Variants in PPIL2 observed in about 807,000 individuals in gnomAD.
The protein encoded by PPIL2 is RING-type E3 ubiquitin-protein ligase PPIL2.
PPIL2 carries 50 observed loss-of-function variants against 75.2 expected under a neutral mutation model. That is an observed-to-expected ratio of 0.66 (90% CI 0.53 to 0.84). The LOEUF is 0.84. PPIL2 is among the 40% of genes least tolerant of loss of function. PPIL2 has a pLI of 0.00. For synonymous variants in PPIL2, 245 were observed against 258.8 expected, an observed-to-expected ratio of 0.95 and a Z score of 0.51; for missense variants, 590 against 685.0, an observed-to-expected ratio of 0.86 and a Z score of 1.55.
rs1299833271 is a variant in PPIL2, at chr22:21,682,455, A to T, written c.406A>T (p.Ile136Phe). 13 of 1,613,896 alleles carry T rather than the reference A, an allele frequency of 8.1e-6. No individual in the cohort carries two copies. Among genetic ancestry groups the T allele is most frequent in the Non-Finnish European group, 1.1e-5 (13 of 1,179,950 alleles). ...YAYEAVEQLN[I>F]KAKNFRDLLT... Reference sequence around the variant, plus strand: ...GCTATAGGCAGTGGAACAGCTAAATATCAAGGCCAAGAACTTCCGGGACCT... The same window carrying T: ...GCTATAGGCAGTGGAACAGCTAAATTTCAAGGCCAAGAACTTCCGGGACCT... The change falls in exon 8 of 20, where the codon ATC (isoleucine) becomes TTC (phenylalanine). Residue 136 changes from isoleucine (I) to phenylalanine (F), a missense_variant. Physicochemically the swap from Ile to Phe is conservative, Grantham distance 21 (BLOSUM62 0). Coordinates refer to ENST00000398831, the MANE Select transcript of PPIL2 (RefSeq NM_014337.4).
At chr22:21,695,180 C>T (rs1008626428) in intron 19 of PPIL2, 110 bp downstream of exon 19, 1 of 1,431,690 alleles carries the variant, frequency 7.0e-7, no homozygotes, top group South Asian at 1.4e-5. Flanking sequence ...CTGGTCCCGG[C>T]CGTGGGCTTG....
intron 2 of PPIL2, 29 bp from the exon 3 acceptor site, chr22:21,670,537 T>A: frequency 6.3e-7 from 1 of 1,583,452 alleles, no homozygotes; most frequent in African/African-American, 1.3e-5. Context: ...CAGAGTAAGA[T>A]TTCTGTTTTT....
intron 2 of PPIL2, chr22:21,670,215 A>T: frequency 9.1e-7 from 1 of 1,097,340 alleles, no homozygotes; most frequent in Non-Finnish European, 1.3e-6. Flanking sequence ...TAAATAAGTA[A>T]ATGAAATACA....
At chr22:21,694,395 A>G (rs756424675) in intron 16 of PPIL2, among the ~76,000 whole-genome samples, 198 bp from the exon 17 acceptor site, 1 of 151,614 alleles carries the variant, frequency 6.6e-6, no homozygotes, top group African/African-American at 2.4e-5. Context: ...ACAGAAAAAA[A>G]CCCAGCTGGA....
rs36108489 is a variant in PPIL2 at position 21,687,550 on chromosome 22, C to CAAAAAAA, written c.898-78_898-72dup. The CAAAAAAA allele has an allele frequency of 4.2e-5, 13 of 306,556 alleles. 5 individuals are homozygous for CAAAAAAA. Among genetic ancestry groups the CAAAAAAA allele is most frequent in the East Asian group, 9.0e-5 (1 of 11,084 alleles). The allele number at this position is 306,556 out of a possible 1,614,324, so 19.0% of individuals were successfully genotyped here. The stretch of plus-strand genomic sequence containing the variant: ...CCTGGGCAACAGCAAGACTCCACCT[C>CAAAAAAA]AAAAAAAAAAAAAAAAAAAAAGCCT... On this transcript the variant is annotated intron_variant, in intron 12 of 19. Coordinates refer to ENST00000398831, the MANE Select transcript of PPIL2 (RefSeq NM_014337.4).
chr22:21,693,688 CAT>C, intron 15 of PPIL2, 126 bp from the exon 16 acceptor site: 1 of 947,732 alleles, frequency 1.1e-6, no homozygotes, highest in Non-Finnish European at 1.7e-6. Context: ...CACGTGCACA[CAT>C]GCGTCCGTGG....
At chr22:21,677,187 A>C (rs1159360412) in intron 6 of PPIL2, among the ~76,000 whole-genome samples, 1 of 151,832 alleles carries the variant, frequency 6.6e-6, no homozygotes, top group Admixed American at 6.6e-5. Flanking sequence ...GCGGCCAGGC[A>C]GAGACACTCC....
At chr22:21,679,945 C>T (rs758151986) in intron 6 of PPIL2, among the ~76,000 whole-genome samples, 3 of 151,958 alleles carry the variant, frequency 2.0e-5, no homozygotes, top group African/African-American at 7.2e-5. Flanking sequence ...AAAAATTAGC[C>T]GGGCATGGTG....
At chr22:21,678,841 C>T (rs1427798497) in intron 6 of PPIL2, among the ~76,000 whole-genome samples, 3 of 151,856 alleles carry the variant, frequency 2.0e-5, no homozygotes, top group African/African-American at 7.3e-5. Flanking sequence ...CTCCTTCCAC[C>T]TCAGTCTCCC....
In PPIL2 at chr22:21,671,309, T is replaced by C. The variant is rs185065752; in HGVS notation, c.191+250T>C. 9.8e-4 allele frequency among the ~76,000 whole-genome samples: 150 copies of C among 152,356 alleles called. 1 individual carries two copies. The highest frequency in any genetic ancestry group is 3.5e-3 in the African/African-American group (145 of 41,590). On this transcript the variant is annotated intron_variant, in intron 4 of 19. Coordinates refer to ENST00000398831, the MANE Select transcript of PPIL2 (RefSeq NM_014337.4). ...AAGTGCAGGCATGAGCCACTGCACCTGGCCTGAAAATGAATTTTTAGGAAA... is the reference window on the plus strand; with the variant it reads ...AAGTGCAGGCATGAGCCACTGCACCCGGCCTGAAAATGAATTTTTAGGAAA...
At position 21,686,928 on chromosome 22, in the gene PPIL2, TGAA is replaced by T. The variant is rs749732001; in HGVS notation, c.835_837del (p.Lys279del). 38 of 1,613,938 alleles carry T rather than the reference TGAA, an allele frequency of 2.4e-5. No individual in the cohort carries two copies. The highest frequency in any genetic ancestry group is 2.8e-5 in the Non-Finnish European group (33 of 1,180,016). ...GAGGATGTGCTGCGCTACCAGTTTGTGAAGAAGAAGGGCTACGTGCGGCTGCAC... is the reference window on the plus strand; with the variant it reads ...GAGGATGTGCTGCGCTACCAGTTTGTGAAGAAGGGCTACGTGCGGCTGCAC... On this transcript the variant is annotated inframe_deletion, in exon 12 of 20. Transcript: ENST00000398831.
intron 9 of PPIL2, among the ~76,000 whole-genome samples, chr22:21,683,503 G>A (rs1156662502): frequency 6.6e-6 from 1 of 152,262 alleles, no homozygotes. Context: ...ACTGGCCGGT[G>A]CTGTCAGTGG....
chr22:21,670,364 T>C, intron 2 of PPIL2: 2 of 1,508,736 alleles, frequency 1.3e-6, no homozygotes, highest in African/African-American at 1.4e-5. Context: ...GTAAAAAGTA[T>C]GCACTTTTCC....
At chr22:21,675,521 C>T (rs188695492) in intron 6 of PPIL2, among the ~76,000 whole-genome samples, 6 of 151,562 alleles carry the variant, frequency 4.0e-5, no homozygotes, top group South Asian at 2.1e-4. Context: ...GGCAACAGAG[C>T]GAGACTCTGT....
intron 1 of PPIL2, chr22:21,669,430 T>G: frequency 4.6e-6 from 2 of 434,422 alleles, no homozygotes; most frequent in South Asian, 3.2e-5. Flanking sequence ...ATTATAGGTG[T>G]GAGCCACTGT....
At chr22:21,689,396 A>G (rs1211915007) in intron 15 of PPIL2, among the ~76,000 whole-genome samples, 4 of 152,168 alleles carry the variant, frequency 2.6e-5, no homozygotes, top group Non-Finnish European at 2.9e-5. Flanking sequence ...CAGTCTTTCA[A>G]TCGTTTTCTT....
At position 21,666,071 on chromosome 22, in the gene PPIL2, T is replaced by G; in HGVS notation, c.-29T>G. On this transcript the variant is annotated 5_prime_UTR_variant, in exon 1 of 20. Coordinates refer to ENST00000398831, the MANE Select transcript of PPIL2 (RefSeq NM_014337.4). ...TGAGTTGTCAGCCGTTGTTTTTTCGTGCTCGCTAGTCGCCGCCGCCGCTCC... is the reference window on the plus strand; with the variant it reads ...TGAGTTGTCAGCCGTTGTTTTTTCGGGCTCGCTAGTCGCCGCCGCCGCTCC... 6.2e-7 allele frequency: 1 copy of G among 1,611,058 alleles called. No individual in the cohort carries two copies. Among genetic ancestry groups the G allele is most frequent in the Non-Finnish European group, 8.5e-7 (1 of 1,178,742 alleles).
chr22:21,675,245 A>G, intron 6 of PPIL2, 130 bp downstream of exon 6: 1 of 893,290 alleles, frequency 1.1e-6, no homozygotes, highest in South Asian at 1.5e-5. Flanking sequence ...ATTCCGCAAA[A>G]AGTGTCACAG....
intron 6 of PPIL2, among the ~76,000 whole-genome samples, chr22:21,677,298 G>A (rs1265036039): frequency 6.6e-6 from 1 of 152,104 alleles, no homozygotes; most frequent in African/African-American, 2.4e-5. Context: ...ACAGGGTGGC[G>A]GCCGGGCAGA....
Sources: allele counts gnomAD v4.1 joint callset (sites outside exome capture counted in the v4.1 genomes callset), GRCh38; gene constraint gnomAD v4.1.1; transcripts MANE v1.5; gene names NCBI Gene and HGNC (gene_info 2026-07-23, HGNC 2026-07-21).